The following MGST1 variants were observed in gnomAD, a reference collection of about 807,000 sequenced individuals.
MGST1 encodes the protein microsomal glutathione S-transferase 1, also known as glutathione S-transferase 12.
In MGST1, 5 loss-of-function variants were observed where a neutral mutation model predicts 8.9. That is an observed-to-expected ratio of 0.56 (90% CI 0.29 to 1.19). MGST1 has a LOEUF of 1.19. Ranked by LOEUF, MGST1 falls within the 50% of genes most tolerant of loss-of-function variation. MGST1 has a pLI of 0.08. For missense variants in MGST1, 182 were observed against 187.4 expected, an observed-to-expected ratio of 0.97 and a Z score of 0.17; for synonymous variants, 54 against 67.8, an observed-to-expected ratio of 0.80 and a Z score of 1.00.
intron 4 of MGST1, among the ~76,000 whole-genome samples, chr12:16,509,718 C>T (rs1031220083): frequency 6.6e-6 from 1 of 152,132 alleles, no homozygotes; most frequent in African/African-American, 2.4e-5. Flanking sequence ...CTTCCGGAGT[C>T]AGTTTTGTCA....
chr12:16,354,245 T>C lies in MGST1; in HGVS notation c.-8T>C. On this transcript the variant is annotated 5_prime_UTR_variant, in exon 2 of 4. Coordinates refer to ENST00000396210, the MANE Select transcript of MGST1 (RefSeq NM_020300.5). ...ATCTTTTTAAGATTCCAGACCAAAA[T>C]TGAAAAAATGGTTGACCTCACCCAG... 6 of 1,572,344 alleles carry C rather than the reference T, an allele frequency of 3.8e-6. No individual in the cohort carries two copies. Among genetic ancestry groups the C allele is most frequent in the Non-Finnish European group, 5.2e-6 (6 of 1,163,996 alleles).
chr12:16,515,561 C>T (rs951697061), intron 4 of MGST1, among the ~76,000 whole-genome samples: 2 of 145,750 alleles, frequency 1.4e-5, no homozygotes, highest in Admixed American at 7.2e-5. Flanking sequence ...ACTGGGGAGG[C>T]GGAGGGTGCA....
rs35081887 is a variant in MGST1, at chr12:16,358,779, C to CTTTTTTTTTTTT, written c.221+1098_221+1109dup. Among the ~76,000 whole-genome samples the CTTTTTTTTTTTT allele has an allele frequency of 1.8e-3, 104 of 57,580 alleles. 9 individuals carry two copies. Among genetic ancestry groups the CTTTTTTTTTTTT allele is most frequent in the East Asian group, 0.012 (21 of 1,810 alleles). The allele number at this position is 57,580 out of a possible 152,430, so 37.8% of individuals were successfully genotyped here. On this transcript the variant is annotated intron_variant, in intron 3 of 3. Coordinates refer to ENST00000396210, the MANE Select transcript of MGST1 (RefSeq NM_020300.5). Reference sequence around the variant, plus strand: ...CACCGGACCTGGCCAAAATTCATTCCTTTTTTTTTTTTTTTTTTTTTTTTT... The same window carrying CTTTTTTTTTTTT: ...CACCGGACCTGGCCAAAATTCATTCCTTTTTTTTTTTTTTTTTTTTTTTTTTTTTTTTTTTTT...
chr12:16,513,753 C>A lies in MGST1; in HGVS notation n.483-75775C>A. ...AGAATAGCGAAGTCTCGAAAAGTGGCCGGTTTGTCACTGTGCAGACCATTT... is the reference window on the plus strand; with the variant it reads ...AGAATAGCGAAGTCTCGAAAAGTGGACGGTTTGTCACTGTGCAGACCATTT... On this transcript the variant is annotated intron_variant and non_coding_transcript_variant, in intron 4 of 4. Transcript: ENST00000538857. The surrounding 1 kb of genome is among the most constrained non-coding windows in gnomAD (Gnocchi z 4.2). The A allele has an allele frequency of 3.5e-6, 2 of 577,482 alleles. No individual in the cohort carries two copies. The highest frequency in any genetic ancestry group is 6.9e-6 in the Non-Finnish European group (2 of 289,012). 35.8% of individuals were successfully genotyped at this position (577,482 alleles called of 1,614,324 possible). A position where few individuals can be genotyped will look rare whatever the true frequency, so the allele number is the denominator to read the frequency against.
At chr12:16,574,900 G>C (rs1942942516) in intron 4 of MGST1, among the ~76,000 whole-genome samples, 1 of 152,058 alleles carries the variant, frequency 6.6e-6, no homozygotes, top group African/African-American at 2.4e-5. Context: ...ATAGAAATCT[G>C]GCCGAGTCCG....
At chr12:16,422,295 C>A (rs1251736687) in intron 1 of MGST1, among the ~76,000 whole-genome samples, 1 of 152,092 alleles carries the variant, frequency 6.6e-6, no homozygotes, top group Non-Finnish European at 1.5e-5. Flanking sequence ...GACCAACTAT[C>A]TTTTTATACA....
In MGST1 at chr12:16,582,872, A is replaced by C. The variant is rs1305338007; in HGVS notation, n.483-6656A>C. ...AGACCAGCCTGGCCAACATGGCGAAACCCCGTCTCTACTAAAATAAAAAAA... is the reference window on the plus strand; with the variant it reads ...AGACCAGCCTGGCCAACATGGCGAACCCCCGTCTCTACTAAAATAAAAAAA... On this transcript the variant is annotated intron_variant and non_coding_transcript_variant, in intron 4 of 4. Coordinates refer to the MGST1 transcript ENST00000538857. The surrounding 1 kb of genome is among the most constrained non-coding windows in gnomAD (Gnocchi z 4.1). 1.3e-5 allele frequency among the ~76,000 whole-genome samples: 2 copies of C among 151,820 alleles called. No individual in the cohort carries two copies. Among genetic ancestry groups the C allele is most frequent in the African/African-American group, 2.4e-5 (1 of 41,294 alleles).
chr12:16,451,108 A>T (rs1941125391), intron 4 of MGST1, among the ~76,000 whole-genome samples: 1 of 152,000 alleles, frequency 6.6e-6, no homozygotes, highest in Admixed American at 6.6e-5. Context: ...TATAAGTATC[A>T]TTTCAGTTTT....
chr12:16,470,531 G>T (rs944769232), intron 4 of MGST1, among the ~76,000 whole-genome samples: 1 of 152,144 alleles, frequency 6.6e-6, no homozygotes, highest in Non-Finnish European at 1.5e-5. Context: ...CGGGAAGAAG[G>T]CTTTCTGTAA....
At chr12:16,573,082 C>CT (rs919576151) in intron 4 of MGST1, among the ~76,000 whole-genome samples, 77 of 148,934 alleles carry the variant, frequency 5.2e-4, no homozygotes, top group Middle Eastern at 6.9e-3. Flanking sequence ...GAAAAAATAC[C>CT]TTTTTTTTTT....
intron 4 of MGST1, among the ~76,000 whole-genome samples, chr12:16,447,327 C>A (rs1450857636): frequency 6.6e-6 from 1 of 151,952 alleles, no homozygotes; most frequent in Non-Finnish European, 1.5e-5. Context: ...CCTCACCACT[C>A]AGGTCTGGTA....
chr12:16,481,833 A>C (rs549643495), intron 4 of MGST1, among the ~76,000 whole-genome samples: 1 of 152,294 alleles, frequency 6.6e-6, no homozygotes, highest in Non-Finnish European at 1.5e-5. Context: ...GTAACATTCA[A>C]GGTGAAATAC....
chr12:16,514,769 A>G (rs927983641), intron 4 of MGST1, among the ~76,000 whole-genome samples: 9 of 152,220 alleles, frequency 5.9e-5, no homozygotes, highest in African/African-American at 2.2e-4. Flanking sequence ...TAGTAAGTGG[A>G]TCATTTCCTT....
downstream of MGST1, among the ~76,000 whole-genome samples, chr12:16,441,442 T>A (rs892632778): frequency 2.6e-5 from 4 of 152,034 alleles, 1 homozygote; most frequent in Admixed American, 6.6e-5. Flanking sequence ...TATTATGGTA[T>A]TGTAAAGAAT....
At chr12:16,583,446 T>C (rs572284415) in intron 4 of MGST1, among the ~76,000 whole-genome samples, 2 of 152,128 alleles carry the variant, frequency 1.3e-5, no homozygotes, top group Non-Finnish European at 1.5e-5. Context: ...GAAAAGAAGA[T>C]ACTAAAGACT....
At chr12:16,432,912 A>T (rs757396015) in intron 1 of MGST1, among the ~76,000 whole-genome samples, 6 of 152,116 alleles carry the variant, frequency 3.9e-5, no homozygotes, top group African/African-American at 9.7e-5. Flanking sequence ...GTGTCTGTCA[A>T]TGGTGACCTA....
chr12:16,550,319 C>T (rs928138296), intron 4 of MGST1: 1 of 152,366 alleles, frequency 6.6e-6, no homozygotes, highest in Non-Finnish European at 1.5e-5. Context: ...AAAATCATCT[C>T]ATAATTGTGG....
In MGST1 at chr12:16,458,541, G is replaced by A. The variant is rs1056840900; in HGVS notation, n.482+74937G>A. On this transcript the variant is annotated intron_variant and non_coding_transcript_variant, in intron 4 of 4. Coordinates refer to the MGST1 transcript ENST00000538857. The surrounding 1 kb of genome is among the most constrained non-coding windows in gnomAD (Gnocchi z 4.0). Reference sequence around the variant, plus strand: ...ATTGGTGAAACTTTATTTAGGAAGGGTGTTAGTTCACTTCATTGCTTTATC... The same window carrying A: ...ATTGGTGAAACTTTATTTAGGAAGGATGTTAGTTCACTTCATTGCTTTATC... Among the ~76,000 whole-genome samples the A allele has an allele frequency of 2.0e-5, 3 of 152,004 alleles. No homozygotes were observed. The highest frequency in any genetic ancestry group is 7.2e-5 in the African/African-American group (3 of 41,408).
In MGST1 at chr12:16,586,652, A is replaced by G. The variant is rs532655304; in HGVS notation, n.483-2876A>G. Among the ~76,000 whole-genome samples, 3 of 152,284 alleles carry G rather than the reference A, an allele frequency of 2.0e-5. No homozygotes were observed. The highest frequency in any genetic ancestry group is 7.2e-5 in the African/African-American group (3 of 41,564). On this transcript the variant is annotated intron_variant and non_coding_transcript_variant, in intron 4 of 4. Transcript: ENST00000538857. This position sits in a 1 kb window ranked among gnomAD's most constrained non-coding sequence, Gnocchi z 4.3. ...CCAAAGCCTGTCCTAGGATGTGGCA[A>G]TAAGGCTATACCGTCGGGGTAGAGA...
Sources: allele counts gnomAD v4.1 joint callset (sites outside exome capture counted in the v4.1 genomes callset), GRCh38; gene constraint gnomAD v4.1.1; non-coding constraint Gnocchi (gnomAD v3.1); transcripts MANE v1.5; gene names NCBI Gene and HGNC (gene_info 2026-07-23, HGNC 2026-07-21).